KIZ: variants seen among roughly 807,000 people sequenced by gnomAD.
KIZ encodes centrosomal protein kizuna.
In KIZ, 68 loss-of-function variants were observed where a neutral mutation model predicts 79.6. The ratio of observed to expected loss-of-function variants is 0.85; its 90% CI spans 0.70 to 1.05. KIZ has a LOEUF of 1.05. Among genes scored for constraint, KIZ ranks in the 50% least tolerant of loss-of-function variants. The pLI is 0.00. For synonymous variants in KIZ, 280 were observed against 281.8 expected (o/e 0.99, Z 0.06); for missense variants, 797 against 800.4 (o/e 1.00, Z 0.05).
Position 21,209,311 on chromosome 20 carries a change from A to G in KIZ, c.1446+3727A>G, listed in dbSNP as rs564733443. On this transcript the variant is annotated intron_variant, in intron 7 of 12. Coordinates refer to ENST00000619189, the MANE Select transcript of KIZ (RefSeq NM_018474.6). The stretch of plus-strand genomic sequence containing the variant: ...AAAAATTTGTAATTACTTTTTGTGG[A>G]AAAAAAATGAGTTGGGTGCTTCATT... Among the ~76,000 whole-genome samples, 13 of 152,230 alleles carry G rather than the reference A, an allele frequency of 8.5e-5. No homozygotes were observed. The East Asian group carries it at 1.9e-3, about 23-fold the overall frequency.
At chr20:21,199,553 G>T (rs946918837) in intron 6 of KIZ, among the ~76,000 whole-genome samples, 1 of 152,162 alleles carries the variant, frequency 6.6e-6, no homozygotes, top group Non-Finnish European at 1.5e-5. Context: ...TGTGACCTTT[G>T]AGAGACAGCA....
At chr20:21,126,065 C>G (rs994045887), upstream of KIZ, 135 of 1,405,882 alleles carry the variant, frequency 9.6e-5, no homozygotes, top group African/African-American at 1.6e-3. Context: ...TCGGCAACCC[C>G]GGCCGAACGG....
At chr20:21,134,544 T>C (rs138192682) in intron 2 of KIZ, among the ~76,000 whole-genome samples, 1 of 152,328 alleles carries the variant, frequency 6.6e-6, no homozygotes, top group African/African-American at 2.4e-5. Flanking sequence ...AACATTCTTT[T>C]TCCTATTTTT....
At chr20:21,144,398 G>A (rs968846790) in intron 3 of KIZ, among the ~76,000 whole-genome samples, 4 of 152,056 alleles carry the variant, frequency 2.6e-5, no homozygotes, top group Non-Finnish European at 5.9e-5. Context: ...AAGCTCTTGG[G>A]GCTAAAATGT....
At chr20:21,227,822 G>C (rs1259322164) in intron 9 of KIZ, among the ~76,000 whole-genome samples, 1 of 152,114 alleles carries the variant, frequency 6.6e-6, no homozygotes, top group African/African-American at 2.4e-5. Context: ...CACTGTGTCT[G>C]ATGTTTTCTT....
intron 3 of KIZ, among the ~76,000 whole-genome samples, chr20:21,142,492 G>T (rs966700130): frequency 6.6e-6 from 1 of 152,002 alleles, no homozygotes; most frequent in Non-Finnish European, 1.5e-5. Flanking sequence ...AACTAATGTG[G>T]TATTGATGAT....
intron 1 of KIZ, among the ~76,000 whole-genome samples, chr20:21,131,548 A>C (rs1022251274): frequency 6.6e-6 from 1 of 152,154 alleles, no homozygotes; most frequent in Non-Finnish European, 1.5e-5. Context: ...ATCTGTACAC[A>C]AGATCTGATG....
At chr20:21,178,022 A>C (rs539099330) in intron 6 of KIZ, among the ~76,000 whole-genome samples, 27 of 152,192 alleles carry the variant, frequency 1.8e-4, no homozygotes, top group African/African-American at 6.5e-4. Flanking sequence ...TGATGCCTCC[A>C]GCTTTTTCTT....
intron 12 of KIZ, 55 bp from the exon 13 acceptor site, chr20:21,246,424 A>G: frequency 1.8e-6 from 2 of 1,085,742 alleles, no homozygotes; most frequent in South Asian, 2.6e-5. Flanking sequence ...GCTGTTTTGT[A>G]AGCTCTTAAC....
At chr20:21,210,870 T>G (rs1004462839) in intron 7 of KIZ, among the ~76,000 whole-genome samples, 1 of 152,180 alleles carries the variant, frequency 6.6e-6, no homozygotes, top group Non-Finnish European at 1.5e-5. Context: ...TCTACCTATT[T>G]ATTAGCTATT....
At chr20:21,152,566 A>G (rs964491034) in intron 4 of KIZ, among the ~76,000 whole-genome samples, 3 of 152,184 alleles carry the variant, frequency 2.0e-5, no homozygotes, top group African/African-American at 7.2e-5. Context: ...TACAGGGGAT[A>G]TTGAATTGTA....
At position 21,184,277 on chromosome 20, in the gene KIZ, A is replaced by G. The variant is rs145345036; in HGVS notation, c.1352+21118A>G. Among the ~76,000 whole-genome samples the G allele has an allele frequency of 9.6e-3, 1,450 of 151,568 alleles. 10 individuals are homozygous for G. The highest frequency in any genetic ancestry group is 0.014 in the Non-Finnish European group (979 of 67,894). On this transcript the variant is annotated intron_variant, in intron 6 of 12. Coordinates refer to ENST00000619189, the MANE Select transcript of KIZ (RefSeq NM_018474.6). ...ATTCTCCTGCCTCAGCCTCCCAAGT[A>G]GAGCTGGGATTACAGGTGCCCACCA...
intron 6 of KIZ, among the ~76,000 whole-genome samples, chr20:21,168,840 C>T (rs1166008849): frequency 3.3e-5 from 5 of 152,110 alleles, no homozygotes; most frequent in African/African-American, 1.2e-4. Context: ...GGAAAGGATC[C>T]CCTATTTAAT....
Position 21,229,087 on chromosome 20 carries a change from G to A in KIZ, c.1755G>A (p.Lys585=). The A allele has an allele frequency of 6.2e-7, 1 of 1,611,030 alleles. No homozygotes were observed. The highest frequency in any genetic ancestry group is 8.5e-7 in the Non-Finnish European group (1 of 1,177,870). ...NTNQTENRFQ[K]TDASVSHLSG... is the part of the protein sequence containing the mutation. ...ATCAAACTGAAAACAGGTTTCAAAAGACAGATGCTTCTGTGTCACACTTGT... is the reference window on the plus strand; with the variant it reads ...ATCAAACTGAAAACAGGTTTCAAAAAACAGATGCTTCTGTGTCACACTTGT... The change falls in exon 10 of 13, where the codon AAG becomes AAA. Residue 585 remains lysine, a synonymous_variant. Transcript: ENST00000619189.
At chr20:21,208,338 T>A (rs979135915) in intron 7 of KIZ, among the ~76,000 whole-genome samples, 7 of 152,338 alleles carry the variant, frequency 4.6e-5, no homozygotes, top group South Asian at 4.1e-4. Flanking sequence ...TGTTCCTTTT[T>A]AAATCATTCT....
At chr20:21,142,454 T>C (rs2032606802) in intron 3 of KIZ, among the ~76,000 whole-genome samples, 1 of 152,142 alleles carries the variant, frequency 6.6e-6, no homozygotes, top group Non-Finnish European at 1.5e-5. Flanking sequence ...CTCATTCTGT[T>C]ATGGACCATG....
intron 11 of KIZ, among the ~76,000 whole-genome samples, chr20:21,240,132 AT>A (rs367965103): frequency 0.011 from 1,703 of 150,376 alleles, 35 homozygotes; most frequent in African/African-American, 0.037. Context: ...TTAATTAACT[AT>A]TTTTTTTTTG....
chr20:21,182,719 C>T (rs1017444830), intron 6 of KIZ, among the ~76,000 whole-genome samples: 1 of 151,348 alleles, frequency 6.6e-6, no homozygotes, highest in South Asian at 2.1e-4. Context: ...ATCACTTGAA[C>T]CCGGGAGGCA....
intron 2 of KIZ, among the ~76,000 whole-genome samples, chr20:21,135,268 G>A (rs1600352260): frequency 2.0e-5 from 3 of 152,148 alleles, no homozygotes; most frequent in Admixed American, 1.3e-4. Context: ...TAGTACAATT[G>A]TACCCACTCC....
Sources: allele counts gnomAD v4.1 joint callset (sites outside exome capture counted in the v4.1 genomes callset), GRCh38; gene constraint gnomAD v4.1.1; transcripts MANE v1.5; gene names NCBI Gene and HGNC (gene_info 2026-07-23, HGNC 2026-07-21).